Variants in MFSD8 observed in about 807,000 individuals in gnomAD.
MFSD8 encodes major facilitator superfamily domain-containing protein 8.
MFSD8 carries 55 observed loss-of-function variants against 66.4 expected under a neutral mutation model. The ratio of observed to expected loss-of-function variants is 0.83; its 90% CI spans 0.67 to 1.04. MFSD8 has a LOEUF of 1.04. MFSD8 is among the 50% of genes least tolerant of loss of function. The pLI, the probability that MFSD8 is intolerant of heterozygous loss-of-function variation, is 0.00. For missense variants in MFSD8, 550 were observed against 627.6 expected (o/e 0.88, Z 1.32); for synonymous variants, 202 against 212.8 (o/e 0.95, Z 0.44).
At position 127,920,396 on chromosome 4, in the gene MFSD8, GAAT is replaced by G. The variant is rs939389331; in HGVS notation, c.*231_*233del. 5 of 540,308 alleles carry G rather than the reference GAAT, an allele frequency of 9.3e-6. No individual in the cohort carries two copies. Among genetic ancestry groups the G allele is most frequent in the African/African-American group, 5.8e-5 (3 of 52,016 alleles). 33.5% of individuals were successfully genotyped at this position (540,308 alleles called of 1,614,324 possible). Reference sequence around the variant, plus strand: ...ATGCAACCACAAAAAGGTATTATAAGAATAATATTTCATTTCTGAGGTAAGGAA... The same window carrying G: ...ATGCAACCACAAAAAGGTATTATAAGAATATTTCATTTCTGAGGTAAGGAA... On this transcript the variant is annotated 3_prime_UTR_variant, in exon 12 of 12. Coordinates refer to ENST00000641686, the MANE Select transcript of MFSD8 (RefSeq NM_001371596.2).
Position 127,921,681 on chromosome 4 carries a change from G to T in MFSD8, c.1193C>A (p.Pro398Gln). ...GGCTTGTTCAATCGAGCAACCAGTT[G>T]GTCTTTCATTGTCATCTTCCATTGG... ...KSPMEDDNER[P>Q]TGCSIEQAWC... The change falls in exon 11 of 12, where the codon CCA becomes CAA. Residue 398 changes from proline to glutamine, a missense_variant. By Grantham distance (76) the Pro-to-Gln change is moderately conservative. Coordinates refer to ENST00000641686, the MANE Select transcript of MFSD8 (RefSeq NM_001371596.2). 3 of 1,614,086 alleles carry T rather than the reference G, an allele frequency of 1.9e-6. No homozygotes were observed. The highest frequency in any genetic ancestry group is 2.5e-6 in the Non-Finnish European group (3 of 1,180,022).
At chr4:127,934,511 T>G (rs536507250) in intron 7 of MFSD8, 3 of 152,196 alleles carry the variant, frequency 2.0e-5, no homozygotes, top group Non-Finnish European at 4.4e-5. Context: ...GTTTTGTAAT[T>G]TATCCACTTA....
At chr4:127,961,649 C>G (rs1425325659) in intron 1 of MFSD8, among the ~76,000 whole-genome samples, 3 of 151,832 alleles carry the variant, frequency 2.0e-5, no homozygotes, top group African/African-American at 7.3e-5. Flanking sequence ...CCCGTCTCTA[C>G]TAAAAATACA....
chr4:127,956,056 T>C (rs2148966858), intron 2 of MFSD8, among the ~76,000 whole-genome samples: 1 of 151,042 alleles, frequency 6.6e-6, no homozygotes, highest in South Asian at 2.1e-4. Context: ...GAGGCAGAGG[T>C]TGCAGTAAGC....
In MFSD8 at chr4:127,940,532, A is replaced by ATATG. The variant is rs1330905537; in HGVS notation, c.554-536_554-535insCATA. Among the ~76,000 whole-genome samples, 40 of 145,656 alleles carry ATATG rather than the reference A, an allele frequency of 2.7e-4. 1 individual carries two copies. Among genetic ancestry groups the ATATG allele is most frequent in the Non-Finnish European group, 5.5e-4 (37 of 66,976 alleles). ...CTGTATATGGTATATATATATATAT[A>ATATG]TATATATGTGTGTGTGTGTATATAT... On this transcript the variant is annotated intron_variant, in intron 5 of 11. Coordinates refer to ENST00000641686, the MANE Select transcript of MFSD8 (RefSeq NM_001371596.2).
intron 6 of MFSD8, chr4:127,939,207 G>A (rs968979460): frequency 6.2e-6 from 1 of 160,636 alleles, no homozygotes; most frequent in African/African-American, 2.4e-5. Context: ...TAAAAGATAA[G>A]AGATATACAT....
intron 6 of MFSD8, 44 bp downstream of exon 6, chr4:127,939,809 T>C (rs201805692): frequency 3.8e-6 from 6 of 1,568,978 alleles, no homozygotes; most frequent in Non-Finnish European, 5.2e-6. Context: ...GCTCATTAAA[T>C]TTCACAATCT....
chr4:127,941,208 T>C (rs1364240912), intron 5 of MFSD8, among the ~76,000 whole-genome samples: 7 of 152,160 alleles, frequency 4.6e-5, no homozygotes, highest in East Asian at 3.8e-4. Flanking sequence ...ATAGTAGATT[T>C]TGGTGAACAG....
intron 2 of MFSD8, among the ~76,000 whole-genome samples, chr4:127,954,442 C>A (rs902753820): frequency 2.6e-5 from 4 of 152,008 alleles, no homozygotes; most frequent in Non-Finnish European, 5.9e-5. Flanking sequence ...ATGGCAAAAC[C>A]CCGTCTCTAC....
chr4:127,947,362 C>T (rs1163688157), intron 3 of MFSD8, among the ~76,000 whole-genome samples: 1 of 152,016 alleles, frequency 6.6e-6, no homozygotes, highest in Admixed American at 6.6e-5. Context: ...GGGTGGACCA[C>T]CTGAGGTCAG....
chr4:127,941,866 A>G (rs990246520), intron 5 of MFSD8, among the ~76,000 whole-genome samples, 179 bp downstream of exon 5: 19 of 152,324 alleles, frequency 1.2e-4, no homozygotes, highest in Middle Eastern at 3.4e-3. Flanking sequence ...ATAGCACTTA[A>G]TTTAGTGGAT....
At position 127,921,952 on chromosome 4, in the gene MFSD8, C is replaced by T. The variant is rs200386040; in HGVS notation, c.1010G>A (p.Arg337His). The change falls in exon 10 of 12, where the codon CGT (arginine) becomes CAT (histidine). Residue 337 changes from arginine to histidine, a missense_variant. Physicochemically the swap from Arg to His is conservative, Grantham distance 29. Transcript: ENST00000641686. Reference protein sequence around the residue: ...VKLLSKKIGERAILLGGLIVV... With the variant: ...VKLLSKKIGEHAILLGGLIVV... The stretch of plus-strand genomic sequence containing the variant: ...GATGAGTCCTCCCAGTAGAATAGCA[C>T]GCTCGCCAATCCTGTTAAAGAACAG... 2.0e-5 allele frequency: 32 copies of T among 1,613,812 alleles called. 1 individual carries two copies. The highest frequency in any genetic ancestry group is 8.3e-5 in the Admixed American group (5 of 59,972).
chr4:127,962,469 A>G (rs1471978875), intron 1 of MFSD8, among the ~76,000 whole-genome samples: 1 of 152,106 alleles, frequency 6.6e-6, no homozygotes, highest in African/African-American at 2.4e-5. Context: ...CCCCGTCTCA[A>G]AAAAAAGTAT....
At chr4:127,964,067 C>T (rs1327633922) in intron 1 of MFSD8, among the ~76,000 whole-genome samples, 2 of 152,218 alleles carry the variant, frequency 1.3e-5, no homozygotes, top group Admixed American at 1.3e-4. Context: ...GGTGTGTTTA[C>T]AAACCTTGAG....
intron 1 of MFSD8, among the ~76,000 whole-genome samples, chr4:127,964,485 A>G (rs569012151): frequency 1.1e-4 from 16 of 152,300 alleles, no homozygotes; most frequent in African/African-American, 3.8e-4. Flanking sequence ...CCCGGGTGCT[A>G]AGCCCCTCAT....
At chr4:127,930,646 T>C in intron 9 of MFSD8, 37 bp downstream of exon 9, 5 of 1,610,462 alleles carry the variant, frequency 3.1e-6, no homozygotes, top group Non-Finnish European at 4.2e-6. Flanking sequence ...GTTTTATTTT[T>C]TAAAAACAGA....
intron 2 of MFSD8, among the ~76,000 whole-genome samples, chr4:127,953,988 T>G (rs1742463196): frequency 6.6e-6 from 1 of 152,182 alleles, no homozygotes; most frequent in Admixed American, 6.5e-5. Context: ...ATGACCTTCC[T>G]TAATTCCTCT....
chr4:127,961,263 T>C (rs559518634), intron 1 of MFSD8, among the ~76,000 whole-genome samples: 28 of 152,320 alleles, frequency 1.8e-4, no homozygotes, highest in African/African-American at 6.3e-4. Context: ...CATATACTTA[T>C]TATTTTCAAA....
intron 2 of MFSD8, among the ~76,000 whole-genome samples, chr4:127,956,974 T>A (rs1234589748): frequency 6.6e-6 from 1 of 152,228 alleles, no homozygotes; most frequent in Non-Finnish European, 1.5e-5. Context: ...TTGTATACTT[T>A]TTTAACTGTT....
Sources: allele counts gnomAD v4.1 joint callset (sites outside exome capture counted in the v4.1 genomes callset), GRCh38; gene constraint gnomAD v4.1.1; transcripts MANE v1.5; gene names NCBI Gene and HGNC (gene_info 2026-07-23, HGNC 2026-07-21).